EHMT1: variants seen among roughly 807,000 people sequenced by gnomAD.
The protein encoded by EHMT1 is euchromatic histone lysine methyltransferase 1, also known as histone-lysine N-methyltransferase EHMT1.
In EHMT1, 15 loss-of-function variants were observed where a neutral mutation model predicts 147.2. The ratio of observed to expected loss-of-function variants is 0.10; its 90% CI spans 0.07 to 0.16. The LOEUF (loss-of-function observed/expected upper bound fraction) is 0.16, where lower values mean the gene tolerates loss of function less well. Ranked by LOEUF, EHMT1 falls within the 10% of genes least tolerant of loss-of-function variation. The pLI, the probability that EHMT1 is intolerant of heterozygous loss-of-function variation, is 1.00. For missense variants in EHMT1, 1,587 were observed against 1,772.4 expected, an observed-to-expected ratio of 0.90 and a Z score of 1.88; for synonymous variants, 795 against 709.6, an observed-to-expected ratio of 1.12 and a Z score of -1.91.
At chr9:137,795,568 A>G (rs1013846734) in intron 16 of EHMT1, among the ~76,000 whole-genome samples, 1 of 152,204 alleles carries the variant, frequency 6.6e-6, no homozygotes, top group Admixed American at 6.5e-5. Flanking sequence ...AAACGCACAC[A>G]GACACGGGAG....
chr9:137,622,890 G>C (rs1324894545), intron 1 of EHMT1, among the ~76,000 whole-genome samples: 1 of 144,164 alleles, frequency 6.9e-6, no homozygotes. Flanking sequence ...CTGGGTGACA[G>C]AGCAAAATCC....
intron 3 of EHMT1, among the ~76,000 whole-genome samples, chr9:137,717,605 C>G (rs948941211): frequency 2.9e-5 from 2 of 69,630 alleles, no homozygotes; most frequent in African/African-American, 1.4e-4. Flanking sequence ...GACCCTGTCT[C>G]AAAAAAAAAA....
At chr9:137,669,088 T>C (rs1413127122) in intron 1 of EHMT1, among the ~76,000 whole-genome samples, 3 of 152,178 alleles carry the variant, frequency 2.0e-5, no homozygotes, top group African/African-American at 7.2e-5. Context: ...GGTTTCACCA[T>C]GTTGGGCAAG....
chr9:137,758,028 A>G lies in EHMT1; in HGVS notation c.1501+17A>G, dbSNP rs747416356. On this transcript the variant is annotated intron_variant, in intron 9 of 26. Transcript: ENST00000460843. ...AAGCAGAAGGTGAATGTGGTGGTGT[A>G]ACTTAGACCGGGCACCATCTTGGTC... 2 of 1,613,976 alleles carry G rather than the reference A, an allele frequency of 1.2e-6. No homozygotes were observed. The highest frequency in any genetic ancestry group is 2.2e-5 in the South Asian group (2 of 91,066).
intron 10 of EHMT1, chr9:137,763,600 T>C (rs139124162): frequency 5.2e-5 from 8 of 154,854 alleles, no homozygotes; most frequent in African/African-American, 9.6e-5. Context: ...CCTGGTCTTA[T>C]TGGCCAGCGG....
At chr9:137,741,996 G>A (rs955904327) in intron 4 of EHMT1, among the ~76,000 whole-genome samples, 9 of 152,216 alleles carry the variant, frequency 5.9e-5, no homozygotes, top group Admixed American at 2.6e-4. Flanking sequence ...AGGGATTTCT[G>A]TTGCTTGAGC....
intron 2 of EHMT1, among the ~76,000 whole-genome samples, chr9:137,714,452 C>T (rs1014050398): frequency 1.3e-5 from 2 of 151,942 alleles, no homozygotes; most frequent in Non-Finnish European, 2.9e-5. Context: ...GCTATTAAGC[C>T]AACCTTGCAT....
chr9:137,674,402 C>T (rs922031444), intron 1 of EHMT1, among the ~76,000 whole-genome samples: 6 of 152,270 alleles, frequency 3.9e-5, no homozygotes, highest in Middle Eastern at 3.4e-3. Flanking sequence ...CTCAGAATTC[C>T]GTCCCCTTTT....
At chr9:137,681,741 A>G (rs1278441161) in intron 1 of EHMT1, among the ~76,000 whole-genome samples, 1 of 152,064 alleles carries the variant, frequency 6.6e-6, no homozygotes, top group Non-Finnish European at 1.5e-5. Context: ...TGGATCGCAC[A>G]CACTCATTCT....
At chr9:137,642,899 C>T (rs1037027530) in intron 1 of EHMT1, among the ~76,000 whole-genome samples, 1 of 152,142 alleles carries the variant, frequency 6.6e-6, no homozygotes, top group Non-Finnish European at 1.5e-5. Flanking sequence ...CCCCTCCCCT[C>T]TTGACAGGGT....
At chr9:137,663,666 G>A (rs1939323815) in intron 1 of EHMT1, among the ~76,000 whole-genome samples, 1 of 152,048 alleles carries the variant, frequency 6.6e-6, no homozygotes, top group African/African-American at 2.4e-5. Context: ...TCTCTTACAC[G>A]AGTCTTGGTA....
At chr9:137,662,776 T>TTTTATTTA (rs150295245) in intron 1 of EHMT1, among the ~76,000 whole-genome samples, 3 of 134,030 alleles carry the variant, frequency 2.2e-5, no homozygotes, top group African/African-American at 2.9e-5. Flanking sequence ...CTGGCCTGAA[T>TTTTATTTA]TTTATTTATT....
At chr9:137,800,272 A>G (rs1371891380) in intron 17 of EHMT1, 1 of 153,310 alleles carries the variant, frequency 6.5e-6, no homozygotes, top group Non-Finnish European at 1.5e-5. Flanking sequence ...TGGACTCAGG[A>G]GTGGCAGGAG....
At position 137,813,210 on chromosome 9, in the gene EHMT1, G is replaced by C. The variant is rs1372441143; in HGVS notation, c.3035+37G>C. 1 of 1,601,232 alleles carries C rather than the reference G, an allele frequency of 6.2e-7. No individual in the cohort carries two copies. Among genetic ancestry groups the C allele is most frequent in the Non-Finnish European group, 8.5e-7 (1 of 1,178,798 alleles). The stretch of plus-strand genomic sequence containing the variant: ...CCCAGGACGGCTTTGTGGCAAATCA[G>C]CGGTCAGCAGGGCTTTGGGAACTTG... On this transcript the variant is annotated intron_variant, in intron 20 of 26. Transcript: ENST00000460843. This position sits in a 1 kb window ranked among gnomAD's most constrained non-coding sequence, Gnocchi z 4.9.
chr9:137,662,776 T>TTTTA lies in EHMT1; in HGVS notation c.21+43759_21+43762dup, dbSNP rs150295245. On this transcript the variant is annotated intron_variant, in intron 1 of 26. Transcript: ENST00000460843. ...CGTGAGCCACCGCGGCTGGCCTGAA[T>TTTTA]TTTATTTATTTATTTATTTATTTAT... Among the ~76,000 whole-genome samples, 380 of 134,108 alleles carry TTTTA rather than the reference T, an allele frequency of 2.8e-3. 2 individuals are homozygous for TTTTA. The highest frequency in any genetic ancestry group is 4.2e-3 in the Non-Finnish European group (268 of 63,586). The allele number at this position is 134,108 out of a possible 152,430, so 88.0% of individuals were successfully genotyped here.
chr9:137,777,765 C>CGG, intron 12 of EHMT1, 117 bp from the exon 13 acceptor site: 1 of 1,437,452 alleles, frequency 7.0e-7, no homozygotes, highest in Middle Eastern at 2.4e-4. Context: ...AGGGACTAAG[C>CGG]GGACAGTAAG....
At chr9:137,796,709 A>AAAAAAAAAG (rs1425434120) in intron 16 of EHMT1, among the ~76,000 whole-genome samples, 1 of 151,282 alleles carries the variant, frequency 6.6e-6, no homozygotes, top group Non-Finnish European at 1.5e-5. Context: ...ATCTCAAAAA[A>AAAAAAAAAG]AAAAAAAAAA....
chr9:137,762,204 A>G (rs886382681), intron 9 of EHMT1, among the ~76,000 whole-genome samples: 5 of 151,570 alleles, frequency 3.3e-5, no homozygotes, highest in African/African-American at 1.2e-4. Context: ...GGACTATTGT[A>G]GTAGGTGAGT....
chr9:137,682,773 G>A (rs569635384), intron 1 of EHMT1, among the ~76,000 whole-genome samples: 113 of 152,326 alleles, frequency 7.4e-4, no homozygotes, highest in South Asian at 1.2e-3. Context: ...TCTCAGTGCT[G>A]CACTGAGACC....
Sources: allele counts gnomAD v4.1 joint callset (sites outside exome capture counted in the v4.1 genomes callset), GRCh38; gene constraint gnomAD v4.1.1; non-coding constraint Gnocchi (gnomAD v3.1); transcripts MANE v1.5; gene names NCBI Gene and HGNC (gene_info 2026-07-23, HGNC 2026-07-21).